The following PDE4D variants were observed in gnomAD, a reference collection of about 807,000 sequenced individuals.
The protein encoded by PDE4D is 3',5'-cyclic-AMP phosphodiesterase 4D.
Under a neutral mutation model 87.4 loss-of-function variants are expected in PDE4D, and 24 were observed. The ratio of observed to expected loss-of-function variants is 0.27; its 90% CI spans 0.20 to 0.39. The LOEUF is 0.39. Ranked by LOEUF, PDE4D falls within the 10% of genes least tolerant of loss-of-function variation. PDE4D has a pLI of 1.00. For missense variants in PDE4D, 714 were observed against 1,041.0 expected (o/e 0.69, Z 4.32); for synonymous variants, 384 against 383.2 (o/e 1.00, Z -0.02).
chr5:60,416,424 A>G (rs1742568625), intron 1 of PDE4D, among the ~76,000 whole-genome samples: 1 of 152,204 alleles, frequency 6.6e-6, no homozygotes, highest in African/African-American at 2.4e-5. Flanking sequence ...TATGAGCTGT[A>G]ACACTCACTG....
chr5:59,774,692 T>C (rs1163862153), intron 1 of PDE4D, among the ~76,000 whole-genome samples: 2 of 151,054 alleles, frequency 1.3e-5, no homozygotes, highest in African/African-American at 4.9e-5. Context: ...CTTTTTTCTT[T>C]TTTTTTTTTT....
chr5:59,694,863 T>A (rs77847369), intron 1 of PDE4D, among the ~76,000 whole-genome samples: 2 of 152,192 alleles, frequency 1.3e-5, no homozygotes, highest in Admixed American at 1.3e-4. Context: ...ACAGTCTACT[T>A]CTAAAGGACT....
intron 3 of PDE4D, among the ~76,000 whole-genome samples, chr5:59,931,247 A>T (rs1220780960): frequency 2.6e-5 from 4 of 152,218 alleles, no homozygotes; most frequent in African/African-American, 7.2e-5. Flanking sequence ...TATGCTTATG[A>T]CCATTTCATG....
rs552324638 is a variant in PDE4D, at chr5:60,100,954, A to T, written c.42+84603T>A. On this transcript the variant is annotated intron_variant, in intron 2 of 16. Coordinates refer to the PDE4D transcript ENST00000502484. Reference sequence around the variant, plus strand: ...ATGGATTTTGCAAAAGGTAATTGGAATTAACAGCTTTTTGTGATTTGGAGC... The same window carrying T: ...ATGGATTTTGCAAAAGGTAATTGGATTTAACAGCTTTTTGTGATTTGGAGC... 2.0e-5 allele frequency among the ~76,000 whole-genome samples: 3 copies of T among 152,248 alleles called. No individual in the cohort carries two copies. In the East Asian group the frequency reaches 5.8e-4, roughly 29 times the overall value.
At chr5:59,768,211 C>T in intron 1 of PDE4D, 3 of 1,591,630 alleles carry the variant, frequency 1.9e-6, no homozygotes, top group African/African-American at 1.3e-5. Context: ...TGAAGGGAAA[C>T]GGCCACCATT....
chr5:59,453,285 A>G (rs2153641575), intron 1 of PDE4D, among the ~76,000 whole-genome samples: 1 of 152,226 alleles, frequency 6.6e-6, no homozygotes, highest in East Asian at 1.9e-4. Flanking sequence ...TCCCTGAGAC[A>G]CAGCAATATT....
intron 1 of PDE4D, among the ~76,000 whole-genome samples, chr5:59,631,036 A>C (rs989288843): frequency 2.0e-5 from 3 of 152,188 alleles, no homozygotes; most frequent in Non-Finnish European, 2.9e-5. Context: ...ATGTAAGCAA[A>C]AGGCACAATT....
At chr5:60,338,364 G>A (rs1432503551) in intron 1 of PDE4D, among the ~76,000 whole-genome samples, 1 of 152,226 alleles carries the variant, frequency 6.6e-6, no homozygotes, top group Non-Finnish European at 1.5e-5. Flanking sequence ...CTATCCTGTA[G>A]CAAGAATTAC....
chr5:59,409,593 G>C (rs988348787), intron 1 of PDE4D, among the ~76,000 whole-genome samples: 4 of 151,984 alleles, frequency 2.6e-5, no homozygotes, highest in Non-Finnish European at 4.4e-5. Context: ...CCTTACTCCT[G>C]CTCTCACCAT....
intron 1 of PDE4D, among the ~76,000 whole-genome samples, chr5:60,291,719 C>A (rs1752913965): frequency 6.6e-6 from 1 of 151,848 alleles, no homozygotes; most frequent in Non-Finnish European, 1.5e-5. Context: ...AGGCTAGCAA[C>A]TGGGCAGTGA....
intron 1 of PDE4D, among the ~76,000 whole-genome samples, chr5:59,524,794 G>A (rs1812789691): frequency 6.6e-6 from 1 of 152,190 alleles, no homozygotes; most frequent in Middle Eastern, 3.2e-3. Context: ...TCCCAACCAT[G>A]GCTAAAAGGG....
intron 1 of PDE4D, among the ~76,000 whole-genome samples, chr5:60,415,813 G>A (rs6875484): frequency 0.21 from 31,722 of 152,246 alleles, 3,598 homozygotes; most frequent in African/African-American, 0.3. Flanking sequence ...CGTAGGGCGC[G>A]GGACTGGCAG....
chr5:60,465,885 AAAAAAAAAAAG>A (rs1747315594), intron 1 of PDE4D, among the ~76,000 whole-genome samples: 1 of 151,604 alleles, frequency 6.6e-6, no homozygotes, highest in South Asian at 2.1e-4. Flanking sequence ...TGAAAGTGAA[AAAAAAAAAAAG>A]AAAAGGAAGA....
At chr5:59,474,993 T>G (rs1331128916) in intron 1 of PDE4D, among the ~76,000 whole-genome samples, 1 of 151,980 alleles carries the variant, frequency 6.6e-6, no homozygotes, top group East Asian at 1.9e-4. Flanking sequence ...GAAACCAGCA[T>G]GAACCAATAT....
chr5:60,308,778 G>C (rs1754733269), intron 1 of PDE4D, among the ~76,000 whole-genome samples: 1 of 152,088 alleles, frequency 6.6e-6, no homozygotes, highest in South Asian at 2.1e-4. Flanking sequence ...AATTCAGATG[G>C]CAAAACAAAT....
rs571660380 is a variant in PDE4D at position 60,354,724 on chromosome 5, C to T, written c.-90+133218G>A. On this transcript the variant is annotated intron_variant, in intron 1 of 16. Coordinates refer to the PDE4D transcript ENST00000502484. Reference sequence around the variant, plus strand: ...GCCCAGTACTAGGACGTTTTTCTGGCTCAAATAAATTTTTTTCAATGTAAT... The same window carrying T: ...GCCCAGTACTAGGACGTTTTTCTGGTTCAAATAAATTTTTTTCAATGTAAT... Among the ~76,000 whole-genome samples, 35 of 152,176 alleles carry T rather than the reference C, an allele frequency of 2.3e-4. No homozygotes were observed. The South Asian group carries it at 7.0e-3, about 31-fold the overall frequency.
chr5:60,221,388 C>T (rs1016271167), intron 1 of PDE4D, among the ~76,000 whole-genome samples: 1 of 151,706 alleles, frequency 6.6e-6, no homozygotes, highest in African/African-American at 2.4e-5. Flanking sequence ...ATATATGTAC[C>T]TTAGTTTCTC....
chr5:59,043,262 G>A (rs546160979), intron 5 of PDE4D, among the ~76,000 whole-genome samples: 2 of 152,270 alleles, frequency 1.3e-5, no homozygotes, highest in Non-Finnish European at 2.9e-5. Flanking sequence ...AGTGGCTCAC[G>A]CCTGTAATCC....
intron 1 of PDE4D, among the ~76,000 whole-genome samples, chr5:59,559,555 C>T (rs1421764636): frequency 1.3e-5 from 2 of 152,098 alleles, no homozygotes; most frequent in Non-Finnish European, 2.9e-5. Context: ...CAGATATGAG[C>T]GTGAATGACG....
Sources: gnomAD v4.1 joint callset for allele counts (sites outside exome capture counted in the v4.1 genomes callset) on GRCh38, gnomAD v4.1.1 for gene constraint, MANE v1.5 for transcripts, NCBI Gene and HGNC (gene_info 2026-07-23, HGNC 2026-07-21) for gene names.